The following POLR2F variants were observed in gnomAD, a reference collection of about 807,000 sequenced individuals.
POLR2F encodes the protein DNA-directed RNA polymerases I, II, and III subunit RPABC2.
A neutral mutation model predicts 22.7 loss-of-function variants in POLR2F; 12 were observed. That is an observed-to-expected ratio of 0.53 (90% CI 0.34 to 0.86). POLR2F has a LOEUF of 0.86. Among genes scored for constraint, POLR2F ranks in the 40% least tolerant of loss-of-function variants. POLR2F has a pLI of 0.02. For synonymous variants in POLR2F, 57 were observed against 66.0 expected, an observed-to-expected ratio of 0.86 and a Z score of 0.66; for missense variants, 126 against 171.5, an observed-to-expected ratio of 0.73 and a Z score of 1.48.
intron 5 of POLR2F, chr22:38,032,786 G>A (rs1023269374): frequency 6.5e-6 from 1 of 152,808 alleles, no homozygotes; most frequent in Non-Finnish European, 1.5e-5. Flanking sequence ...CAGGAGTTCT[G>A]CGGAGAGGGT....
chr22:38,038,621 T>C (rs1569187138), intron 5 of POLR2F, among the ~76,000 whole-genome samples: 1 of 151,958 alleles, frequency 6.6e-6, no homozygotes, highest in Non-Finnish European at 1.5e-5. Context: ...TGCTCCAAGT[T>C]GTTTTCCAAG....
chr22:38,041,116 T>C (rs1475050293), downstream of POLR2F: 4 of 1,612,678 alleles, frequency 2.5e-6, no homozygotes, highest in Non-Finnish European at 1.7e-6. Context: ...CCGTGAACAA[T>C]GCATGGTGGA....
downstream of POLR2F, chr22:37,974,070 C>T (rs766175657): frequency 2.1e-5 from 34 of 1,614,008 alleles, no homozygotes; most frequent in Admixed American, 1.2e-4. The surrounding 1 kb of genome is among the most constrained non-coding windows in gnomAD (Gnocchi z 5.4). Context: ...CCAATGTCCA[C>T]GTTGCCGAAG....
chr22:37,958,260 C>T (rs866003262), intron 2 of POLR2F: 8 of 150,734 alleles, frequency 5.3e-5, no homozygotes, highest in African/African-American at 2.0e-4. Flanking sequence ...GCGATGTTGA[C>T]TCACTGCAAG....
At chr22:38,009,258 A>C (rs1001267010) in intron 1 of POLR2F, among the ~76,000 whole-genome samples, 1 of 152,222 alleles carries the variant, frequency 6.6e-6, no homozygotes, top group African/African-American at 2.4e-5. Context: ...CGAGGGTTTC[A>C]GCAGAGCAGA....
chr22:38,018,604 G>A (rs1200382960), intron 1 of POLR2F, among the ~76,000 whole-genome samples: 4 of 152,280 alleles, frequency 2.6e-5, no homozygotes, highest in African/African-American at 7.2e-5. Context: ...TCAGGACTCC[G>A]TCTGAGGCTG....
chr22:38,018,464 G>A (rs920635717), intron 1 of POLR2F, among the ~76,000 whole-genome samples: 1 of 152,074 alleles, frequency 6.6e-6, no homozygotes, highest in Non-Finnish European at 1.5e-5. Context: ...ATTTAGAATC[G>A]AGCTGAAGGA....
chr22:37,967,855 C>A lies in POLR2F; in HGVS notation c.*140C>A. 2.1e-6 allele frequency: 3 copies of A among 1,421,758 alleles called. No individual in the cohort carries two copies. Among genetic ancestry groups the A allele is most frequent in the Non-Finnish European group, 2.7e-6 (3 of 1,091,288 alleles). 88.1% of individuals were successfully genotyped at this position (1,421,758 alleles called of 1,614,324 possible). A position where few individuals can be genotyped will look rare whatever the true frequency, so the allele number is the denominator to read the frequency against. Reference sequence around the variant, plus strand: ...TCACCACCTGTTGCTTCCCCGTTACCGCCATGCTGCGTGGAGCATGCACCT... The same window carrying A: ...TCACCACCTGTTGCTTCCCCGTTACAGCCATGCTGCGTGGAGCATGCACCT... On this transcript the variant is annotated 3_prime_UTR_variant, in exon 5 of 5. Transcript: ENST00000442738.
intron 5 of POLR2F, chr22:38,040,199 C>A (rs1188011034): frequency 3.6e-5 from 5 of 137,366 alleles, no homozygotes; most frequent in African/African-American, 1.4e-4. Flanking sequence ...GCCAGAGGAT[C>A]ACTTGAACCT....
Position 37,968,779 on chromosome 22 carries a change from C to A in POLR2F, c.*1064C>A. 6 of 985,490 alleles carry A rather than the reference C, an allele frequency of 6.1e-6. No homozygotes were observed. Among genetic ancestry groups the A allele is most frequent in the Non-Finnish European group, 7.2e-6 (6 of 829,958 alleles). 61.0% of individuals were successfully genotyped at this position (985,490 alleles called of 1,614,324 possible). ...AGAGGAGGAGCTGGGCTTCCCTAAC[C>A]TCTGCAGGAGGCAGGGCCTCCAGGC... On this transcript the variant is annotated 3_prime_UTR_variant, in exon 5 of 5. Coordinates refer to ENST00000442738, the MANE Select transcript of POLR2F (RefSeq NM_021974.5).
At chr22:38,007,260 C>T (rs2084829782) in intron 1 of POLR2F, among the ~76,000 whole-genome samples, 2 of 152,256 alleles carry the variant, frequency 1.3e-5, no homozygotes, top group South Asian at 4.2e-4. Context: ...ATAGCAGCCA[C>T]CCAGGACTGC....
At position 38,001,280 on chromosome 22, in the gene POLR2F, C is replaced by T. The variant is rs546064448; in HGVS notation, c.120+14968C>T. On this transcript the variant is annotated intron_variant, in intron 1 of 2. Coordinates refer to the POLR2F transcript ENST00000333418. ...ACATGGGCCATGGCAGGCTCTCGAC[C>T]GTGCCTGCTGGACACCCAGTGTGTT... 4.6e-5 allele frequency among the ~76,000 whole-genome samples: 7 copies of T among 152,252 alleles called. 1 individual carries two copies. The highest frequency in any genetic ancestry group is 3.4e-3 in the Middle Eastern group (1 of 294).
chr22:37,972,850 T>TCCA (rs1932100439), downstream of POLR2F: 1 of 153,554 alleles, frequency 6.5e-6, no homozygotes, highest in Non-Finnish European at 1.4e-5. Context: ...AGAATGAGGT[T>TCCA]ATTGGCACAG....
chr22:38,034,303 G>T, intron 5 of POLR2F: 1 of 162,964 alleles, frequency 6.1e-6, no homozygotes. Context: ...ATGCACCCCT[G>T]CGTCCCAGGC....
upstream of POLR2F, chr22:37,986,113 CAT>C (rs1932566138): frequency 6.8e-7 from 1 of 1,476,218 alleles, no homozygotes; most frequent in African/African-American, 1.4e-5. This position sits in a 1 kb window ranked among gnomAD's most constrained non-coding sequence, Gnocchi z 4.7. Context: ...GAACGGCAAT[CAT>C]GTGATTAACA....
intron 1 of POLR2F, among the ~76,000 whole-genome samples, chr22:38,010,834 C>T (rs1235254327): frequency 6.6e-6 from 1 of 152,042 alleles, no homozygotes; most frequent in African/African-American, 2.4e-5. Flanking sequence ...CCAGGCTGGT[C>T]TCGAACTCCT....
chr22:37,965,579 C>T (rs1230477124), intron 3 of POLR2F, among the ~76,000 whole-genome samples: 3 of 152,192 alleles, frequency 2.0e-5, no homozygotes, highest in Non-Finnish European at 4.4e-5. Context: ...TTGCCACATT[C>T]TTTAAAGCTT....
At chr22:38,027,381 G>T (rs2085023473), downstream of POLR2F, among the ~76,000 whole-genome samples, 1 of 152,104 alleles carries the variant, frequency 6.6e-6, no homozygotes, top group East Asian at 1.9e-4. Context: ...TGTCACCCAT[G>T]TGGGGCAGGG....
At chr22:37,973,642 G>C (rs1932127672), downstream of POLR2F, 5 of 1,613,726 alleles carry the variant, frequency 3.1e-6, 1 homozygote, top group East Asian at 1.1e-4. Context: ...AGAGGCCAGA[G>C]GCCTGGCCCG....
Sources: allele counts gnomAD v4.1 joint callset (sites outside exome capture counted in the v4.1 genomes callset), GRCh38; gene constraint gnomAD v4.1.1; non-coding constraint Gnocchi (gnomAD v3.1); transcripts MANE v1.5; gene names NCBI Gene and HGNC (gene_info 2026-07-23, HGNC 2026-07-21).